Variants in OSBPL10 observed in about 807,000 individuals in gnomAD.
OSBPL10 encodes the protein oxysterol-binding protein-related protein 10.
In OSBPL10, 49 loss-of-function variants were observed where a neutral mutation model predicts 81.7. That is an observed-to-expected ratio of 0.60 (90% confidence interval 0.48 to 0.76). The LOEUF is 0.76. Ranked by LOEUF, OSBPL10 falls within the 30% of genes least tolerant of loss-of-function variation. The probability of loss-of-function intolerance (pLI) is 0.00; values close to 1 mark genes in which losing one functional copy is unlikely to be tolerated. For synonymous variants in OSBPL10, 419 were observed against 383.6 expected (o/e 1.09, Z -1.08); for missense variants, 923 against 987.8 (o/e 0.93, Z 0.88).
At chr3:31,852,309 G>A (rs762266665) in intron 3 of OSBPL10, among the ~76,000 whole-genome samples, 18 of 152,098 alleles carry the variant, frequency 1.2e-4, no homozygotes, top group Non-Finnish European at 2.2e-4. Flanking sequence ...GCAGGGGGTC[G>A]GGGGGAAGGA....
chr3:31,680,423 T>C (rs1700612287), intron 8 of OSBPL10, among the ~76,000 whole-genome samples: 1 of 152,176 alleles, frequency 6.6e-6, no homozygotes, highest in Non-Finnish European at 1.5e-5. Context: ...AAATGGCCCC[T>C]GACTCAAGGA....
chr3:31,900,303 A>G (rs751409467), intron 1 of OSBPL10, among the ~76,000 whole-genome samples: 9 of 152,082 alleles, frequency 5.9e-5, no homozygotes, highest in Non-Finnish European at 1.3e-4. Flanking sequence ...TTGGCCTCCC[A>G]AAGTGCTGCC....
intron 4 of OSBPL10, among the ~76,000 whole-genome samples, chr3:31,825,187 C>T (rs1700070669): frequency 6.6e-6 from 1 of 151,910 alleles, no homozygotes; most frequent in Admixed American, 6.6e-5. Flanking sequence ...ATAAAATGTT[C>T]CTATTTAGGA....
At chr3:32,002,239 C>T (rs1282242260) in intron 2 of OSBPL10, among the ~76,000 whole-genome samples, 1 of 152,124 alleles carries the variant, frequency 6.6e-6, no homozygotes, top group East Asian at 1.9e-4. Context: ...GAATTGCTGT[C>T]CACTCAACCA....
chr3:31,891,964 G>T (rs769795999), intron 1 of OSBPL10, among the ~76,000 whole-genome samples: 1 of 152,100 alleles, frequency 6.6e-6, no homozygotes, highest in African/African-American at 2.4e-5. Flanking sequence ...GGATACATGT[G>T]GTATGGGTGA....
chr3:32,014,923 C>A (rs1353980253), intron 2 of OSBPL10, among the ~76,000 whole-genome samples: 1 of 152,104 alleles, frequency 6.6e-6, no homozygotes, highest in Non-Finnish European at 1.5e-5. Context: ...GAACTACAAA[C>A]CACTGCTCAA....
chr3:31,803,489 T>G (rs1699444297), intron 4 of OSBPL10, among the ~76,000 whole-genome samples: 1 of 152,238 alleles, frequency 6.6e-6, no homozygotes, highest in Admixed American at 6.5e-5. Context: ...AACATTTTAC[T>G]TTAAAATAAT....
intron 2 of OSBPL10, among the ~76,000 whole-genome samples, chr3:32,026,880 A>G (rs2125549436): frequency 6.6e-6 from 1 of 152,308 alleles, no homozygotes; most frequent in South Asian, 2.1e-4. Context: ...AGATGCCTGC[A>G]CTGGCATCCA....
intron 1 of OSBPL10, among the ~76,000 whole-genome samples, chr3:31,955,915 T>C (rs1399089843): frequency 6.6e-6 from 1 of 151,736 alleles, no homozygotes. Context: ...TGGTGACAAG[T>C]GTATTTGATT....
chr3:31,711,359 A>G (rs1696246251), intron 6 of OSBPL10, among the ~76,000 whole-genome samples: 1 of 152,214 alleles, frequency 6.6e-6, no homozygotes, highest in Non-Finnish European at 1.5e-5. Flanking sequence ...GCTGTGATCA[A>G]TTAGTAATAT....
intron 6 of OSBPL10, among the ~76,000 whole-genome samples, chr3:31,730,192 T>C (rs1326463003): frequency 6.6e-6 from 1 of 151,976 alleles, no homozygotes; most frequent in African/African-American, 2.4e-5. Flanking sequence ...GATACAAAAA[T>C]TAGCTGAGTG....
chr3:32,015,718 A>G (rs1296829485), intron 2 of OSBPL10, among the ~76,000 whole-genome samples: 2 of 152,256 alleles, frequency 1.3e-5, no homozygotes, highest in South Asian at 4.1e-4. Context: ...AAGGGCTAAT[A>G]TCCAGAACCT....
At chr3:31,945,135 GCAAGA>G in intron 1 of OSBPL10, among the ~76,000 whole-genome samples, 1 of 120,844 alleles carries the variant, frequency 8.3e-6, no homozygotes, top group East Asian at 2.3e-4. Flanking sequence ...TGGCGACAGA[GCAAGA>G]CTCCGTCTCA....
chr3:31,687,822 C>T (rs1700829961), intron 7 of OSBPL10, among the ~76,000 whole-genome samples: 1 of 151,842 alleles, frequency 6.6e-6, no homozygotes, highest in Admixed American at 6.5e-5. Context: ...GCCTGTAATC[C>T]CAACAGTGGG....
At chr3:31,831,733 A>T (rs903271556) in intron 3 of OSBPL10, among the ~76,000 whole-genome samples, 3 of 152,238 alleles carry the variant, frequency 2.0e-5, no homozygotes, top group African/African-American at 7.2e-5. Flanking sequence ...CAAAAGTCTG[A>T]GTACACAATC....
intron 8 of OSBPL10, among the ~76,000 whole-genome samples, chr3:31,677,206 A>G (rs1357136303): frequency 2.0e-5 from 3 of 152,192 alleles, no homozygotes; most frequent in Non-Finnish European, 4.4e-5. Context: ...CCTTCCCCCA[A>G]TCAAAGGAGC....
intron 1 of OSBPL10, among the ~76,000 whole-genome samples, chr3:31,934,688 G>A (rs1205084603): frequency 5.4e-5 from 8 of 149,096 alleles, no homozygotes; most frequent in African/African-American, 2.5e-5. Flanking sequence ...CATTTTTATA[G>A]AAAAAAAAAG....
intron 1 of OSBPL10, among the ~76,000 whole-genome samples, chr3:32,053,121 T>C (rs545522465): frequency 1.3e-5 from 2 of 152,282 alleles, no homozygotes; most frequent in South Asian, 4.1e-4. Flanking sequence ...CCACACCTAG[T>C]ACATAATTCT....
chr3:31,995,683 G>A (rs143143113), intron 2 of OSBPL10, among the ~76,000 whole-genome samples: 24 of 152,282 alleles, frequency 1.6e-4, no homozygotes, highest in Admixed American at 5.2e-4. Flanking sequence ...ATAAAGACAG[G>A]CATAAGAAAT....
Sources: gnomAD v4.1 joint callset for allele counts (sites outside exome capture counted in the v4.1 genomes callset) on GRCh38, gnomAD v4.1.1 for gene constraint, MANE v1.5 for transcripts, NCBI Gene and HGNC (gene_info 2026-07-23, HGNC 2026-07-21) for gene names.